FREM2: variants seen among roughly 807,000 people sequenced by gnomAD.
FREM2 encodes the protein FRAS1-related extracellular matrix protein 2.
Under a neutral mutation model 219.9 loss-of-function variants are expected in FREM2, and 119 were observed. The ratio of observed to expected loss-of-function variants is 0.54; its 90% CI spans 0.47 to 0.63. The LOEUF (loss-of-function observed/expected upper bound fraction) is 0.63. Among genes scored for constraint, FREM2 ranks in the 30% least tolerant of loss-of-function variants. FREM2 has a pLI of 0.00. For synonymous variants in FREM2, 1,562 were observed against 1,522.8 expected, an observed-to-expected ratio of 1.03 and a Z score of -0.60; for missense variants, 4,030 against 3,993.6, an observed-to-expected ratio of 1.01 and a Z score of -0.25.
At chr13:38,832,799 C>G (rs1213382218) in intron 6 of FREM2, among the ~76,000 whole-genome samples, 1 of 152,190 alleles carries the variant, frequency 6.6e-6, no homozygotes, top group South Asian at 2.1e-4. Context: ...CATCTAAGCA[C>G]TTTGGGAAGC....
chr13:38,757,054 A>G (rs973851089), intron 2 of FREM2, among the ~76,000 whole-genome samples: 1 of 152,178 alleles, frequency 6.6e-6, no homozygotes, highest in African/African-American at 2.4e-5. Flanking sequence ...TTTGGGGGCT[A>G]ACATAAATTT....
intron 2 of FREM2, among the ~76,000 whole-genome samples, chr13:38,729,628 C>T (rs903774719): frequency 1.3e-5 from 2 of 152,002 alleles, no homozygotes; most frequent in African/African-American, 4.8e-5. Flanking sequence ...ACATGATATT[C>T]GTTTGTGAGT....
chr13:38,850,917 A>T (rs1235727311), intron 9 of FREM2, 27 bp from the exon 10 acceptor site: 2 of 1,608,004 alleles, frequency 1.2e-6, no homozygotes, highest in Admixed American at 1.7e-5. Context: ...ATGGGATGTG[A>T]TTGACCTGCT....
chr13:38,813,405 G>A (rs986383547), intron 6 of FREM2, among the ~76,000 whole-genome samples: 1 of 145,328 alleles, frequency 6.9e-6, no homozygotes, highest in East Asian at 2.1e-4. Context: ...TGTCCTGTAA[G>A]GTTTCCACTG....
chr13:38,795,975 T>TTTTCTTTC (rs543239149), intron 6 of FREM2, among the ~76,000 whole-genome samples: 1 of 152,056 alleles, frequency 6.6e-6, no homozygotes, highest in Non-Finnish European at 1.5e-5. Flanking sequence ...TACACGATAG[T>TTTTCTTTC]TTTCTTTCTT....
At chr13:38,791,629 A>C (rs1380288321) in intron 6 of FREM2, among the ~76,000 whole-genome samples, 1 of 152,138 alleles carries the variant, frequency 6.6e-6, no homozygotes, top group Non-Finnish European at 1.5e-5. Flanking sequence ...TTATAAAACC[A>C]TCAGCTCTGA....
chr13:38,881,625 G>T lies in FREM2; in HGVS notation c.*838G>T, dbSNP rs565264429. On this transcript the variant is annotated 3_prime_UTR_variant, in exon 24 of 24. Coordinates refer to ENST00000280481, the MANE Select transcript of FREM2 (RefSeq NM_207361.6). ...ATTTTGGTGATGAATAAATGCCATA[G>T]AGTTAGAGTCACTACAAGACAATGT... 2.0e-5 allele frequency: 3 copies of T among 152,774 alleles called. No homozygotes were observed. Among genetic ancestry groups the T allele is most frequent in the Non-Finnish European group, 4.4e-5 (3 of 68,102 alleles). The allele number at this position is 152,774 out of a possible 1,614,324, so 9.5% of individuals were successfully genotyped here. A position where few individuals can be genotyped will look rare whatever the true frequency, so the allele number is the denominator to read the frequency against.
At chr13:38,802,968 C>T (rs777380566) in intron 6 of FREM2, among the ~76,000 whole-genome samples, 4 of 152,112 alleles carry the variant, frequency 2.6e-5, no homozygotes, top group Non-Finnish European at 5.9e-5. Context: ...CCTTGCTTCC[C>T]TCTCCTTCTT....
At chr13:38,834,406 C>T (rs1329194757) in intron 6 of FREM2, among the ~76,000 whole-genome samples, 4 of 151,890 alleles carry the variant, frequency 2.6e-5, no homozygotes, top group Admixed American at 1.3e-4. Context: ...TTTTCTTTAT[C>T]CAGTCTAACG....
At chr13:38,731,160 A>G (rs1206054356) in intron 2 of FREM2, among the ~76,000 whole-genome samples, 1 of 152,200 alleles carries the variant, frequency 6.6e-6, no homozygotes, top group Non-Finnish European at 1.5e-5. Context: ...CACTTCAGAC[A>G]TTGCAAAGTC....
At chr13:38,762,013 G>A (rs144126180) in intron 2 of FREM2, among the ~76,000 whole-genome samples, 11 of 152,310 alleles carry the variant, frequency 7.2e-5, no homozygotes, top group East Asian at 3.9e-4. Context: ...TAAGGCAGAC[G>A]AATAGTAGTC....
intron 7 of FREM2, among the ~76,000 whole-genome samples, 184 bp from the exon 8 acceptor site, chr13:38,848,277 C>T (rs541899208): frequency 1.6e-4 from 25 of 152,280 alleles, no homozygotes; most frequent in African/African-American, 5.8e-4. Flanking sequence ...GGTCTTTGAT[C>T]TATCACCACA....
At chr13:38,813,488 CT>C (rs1235508829) in intron 6 of FREM2, among the ~76,000 whole-genome samples, 1 of 13,644 alleles carries the variant, frequency 7.3e-5, no homozygotes, top group African/African-American at 2.7e-4. Flanking sequence ...CTCTCTCTCT[CT>C]CTCTCTCTCT....
chr13:38,764,943 C>T (rs1873375926), intron 3 of FREM2, among the ~76,000 whole-genome samples: 1 of 152,242 alleles, frequency 6.6e-6, no homozygotes, highest in Admixed American at 6.5e-5. Flanking sequence ...CGGAGGCTCG[C>T]TCTGTTGCCC....
chr13:38,799,662 T>C (rs1377680868), intron 6 of FREM2, among the ~76,000 whole-genome samples: 2 of 152,066 alleles, frequency 1.3e-5, no homozygotes, highest in Non-Finnish European at 2.9e-5. Context: ...GGTGCATATG[T>C]ATTTTGGATT....
intron 4 of FREM2, among the ~76,000 whole-genome samples, chr13:38,770,251 T>A (rs1322329666): frequency 6.6e-6 from 1 of 150,456 alleles, no homozygotes; most frequent in East Asian, 1.9e-4. Context: ...AAAGACACGG[T>A]CTTGCTATGC....
At position 38,859,610 on chromosome 13, in the gene FREM2, C is replaced by A; in HGVS notation, c.7519+20C>A. 6.2e-7 allele frequency: 1 copy of A among 1,607,604 alleles called. No homozygotes were observed. The highest frequency in any genetic ancestry group is 8.5e-7 in the Non-Finnish European group (1 of 1,175,378). On this transcript the variant is annotated intron_variant, in intron 14 of 23. Coordinates refer to ENST00000280481, the MANE Select transcript of FREM2 (RefSeq NM_207361.6). ...AAGAAGGTCAGTCATTGCCATTTTC[C>A]CCTGAAGATCACTGGAATACTGTGC...
chr13:38,756,896 G>A (rs570822288), intron 2 of FREM2, among the ~76,000 whole-genome samples: 2 of 152,130 alleles, frequency 1.3e-5, no homozygotes, highest in African/African-American at 4.8e-5. Flanking sequence ...AGAAAAATAT[G>A]GAAAATGTGG....
In FREM2 at chr13:38,850,085, G is replaced by A. The variant is rs1300865088; in HGVS notation, c.6427G>A (p.Asp2143Asn). Residue 2143 changes from aspartate to asparagine, a missense_variant, in exon 9 of 24, where the codon GAT (aspartate) becomes AAT (asparagine). Transcript: ENST00000280481. Reference sequence around the variant, plus strand: ...ACGAATATATACTGGCAGCGAAAGTGATGGGCAGATAGTTACAATGATCCA... The same window carrying A: ...ACGAATATATACTGGCAGCGAAAGTAATGGGCAGATAGTTACAATGATCCA... ...KERIYTGSESDGQIVTMIHRT... is the reference protein window; with the variant it reads ...KERIYTGSESNGQIVTMIHRT... The A allele has an allele frequency of 1.9e-6, 3 of 1,614,046 alleles. No individual in the cohort carries two copies. Among genetic ancestry groups the A allele is most frequent in the South Asian group, 2.2e-5 (2 of 91,078 alleles).
Sources: gnomAD v4.1 joint callset for allele counts (sites outside exome capture counted in the v4.1 genomes callset) on GRCh38, gnomAD v4.1.1 for gene constraint, MANE v1.5 for transcripts, NCBI Gene and HGNC (gene_info 2026-07-23, HGNC 2026-07-21) for gene names.